The following EZH2 variants were observed in gnomAD, a reference collection of about 807,000 sequenced individuals.
EZH2 encodes the protein histone-lysine N-methyltransferase EZH2.
EZH2 carries 18 observed loss-of-function variants against 98.4 expected under a neutral mutation model. That is an observed-to-expected ratio of 0.18 (90% CI 0.13 to 0.27). The LOEUF is 0.27. Ranked by LOEUF, EZH2 falls within the 10% of genes least tolerant of loss-of-function variation. EZH2 has a pLI of 1.00. For missense variants in EZH2, 470 were observed against 935.1 expected (o/e 0.50, Z 6.49); for synonymous variants, 338 against 312.3 (o/e 1.08, Z -0.87).
chr7:148,846,910 T>C (rs1290286712), intron 2 of EZH2, among the ~76,000 whole-genome samples: 1 of 150,422 alleles, frequency 6.6e-6, no homozygotes, highest in African/African-American at 2.4e-5. Context: ...ACAATGACTT[T>C]AGAAACATAA....
intron 1 of EZH2, among the ~76,000 whole-genome samples, chr7:148,879,696 A>C (rs1820689581): frequency 1.3e-5 from 2 of 152,042 alleles, no homozygotes; most frequent in Admixed American, 1.3e-4. Flanking sequence ...TCTCAAAAAA[A>C]TAAATAATAA....
chr7:148,813,063 A>ACG (rs1803575499), intron 15 of EZH2, among the ~76,000 whole-genome samples: 1 of 149,232 alleles, frequency 6.7e-6, no homozygotes, highest in Non-Finnish European at 1.5e-5. Context: ...ACACACACAC[A>ACG]CACACACACA....
chr7:148,866,509 CATATATATGTGTAT>C (rs1818475888), intron 1 of EZH2, among the ~76,000 whole-genome samples: 1 of 96,230 alleles, frequency 1.0e-5, no homozygotes. Context: ...TACGTATATA[CATATATATGTGTAT>C]ATACATATAT....
rs1804648311 is a variant in EZH2, at chr7:148,816,671, A to G, written c.1505+13T>C. ...TATGTTGACTTCTCTAAGGAGCTTCATGACAGACTCACCGGTGTTTCCTCT... is the reference window on the plus strand; with the variant it reads ...TATGTTGACTTCTCTAAGGAGCTTCGTGACAGACTCACCGGTGTTTCCTCT... On this transcript the variant is annotated intron_variant, in intron 12 of 19. Transcript: ENST00000320356. 2 of 1,605,922 alleles carry G rather than the reference A, an allele frequency of 1.2e-6. No individual in the cohort carries two copies. Among genetic ancestry groups the G allele is most frequent in the Middle Eastern group, 1.7e-4 (1 of 5,978 alleles).
At chr7:148,876,099 G>C (rs1820127276) in intron 1 of EZH2, 1 of 152,212 alleles carries the variant, frequency 6.6e-6, no homozygotes, top group Admixed American at 6.6e-5. Flanking sequence ...AGGAGGTCAA[G>C]GTTGCAGTGA....
At chr7:148,814,891 G>A (rs375833751) in intron 14 of EZH2, 23 bp downstream of exon 14, 1 of 1,606,936 alleles carries the variant, frequency 6.2e-7, no homozygotes, top group Non-Finnish European at 8.5e-7. Flanking sequence ...TCATGCAATT[G>A]CATCAAAGCA....
At chr7:148,873,241 T>C (rs778818934) in intron 1 of EZH2, among the ~76,000 whole-genome samples, 23 of 151,766 alleles carry the variant, frequency 1.5e-4, no homozygotes, top group Non-Finnish European at 2.6e-4. Flanking sequence ...CCTGTAATCC[T>C]AGCACTTTGC....
At chr7:148,850,510 G>A (rs887586972) in intron 1 of EZH2, 58 of 831,810 alleles carry the variant, frequency 7.0e-5, no homozygotes, top group Non-Finnish European at 8.3e-5. Flanking sequence ...GAAAGTGTAA[G>A]ACTAAATAGG....
chr7:148,810,508 C>A (rs1168762852), intron 16 of EZH2, 94 bp from the exon 17 acceptor site: 5 of 745,856 alleles, frequency 6.7e-6, no homozygotes, highest in Non-Finnish European at 1.1e-5. Flanking sequence ...ACTGGACCTT[C>A]TGGAGAAAAC....
chr7:148,814,736 CGACT>C (rs895244328), intron 14 of EZH2, among the ~76,000 whole-genome samples, 174 bp downstream of exon 14: 1 of 152,136 alleles, frequency 6.6e-6, no homozygotes, highest in Non-Finnish European at 1.5e-5. Flanking sequence ...AACACCCAGG[CGACT>C]GACTGGCCAC....
At chr7:148,832,575 T>C (rs891301629) in intron 4 of EZH2, 59 bp downstream of exon 4, 7 of 926,576 alleles carry the variant, frequency 7.6e-6, no homozygotes, top group African/African-American at 3.3e-5. Flanking sequence ...AAATTATCTA[T>C]GCTTTTTTAC....
chr7:148,816,617 T>C (rs1804622778), intron 12 of EZH2, 67 bp downstream of exon 12: 1 of 1,211,460 alleles, frequency 8.3e-7, no homozygotes. Flanking sequence ...CAACAGCCCT[T>C]AGGAAGGGCC....
chr7:148,857,114 C>T (rs999122942), intron 1 of EZH2, among the ~76,000 whole-genome samples: 1 of 152,246 alleles, frequency 6.6e-6, no homozygotes, highest in Non-Finnish European at 1.5e-5. Flanking sequence ...CAGACCTCAA[C>T]CCATAACTTC....
chr7:148,840,911 T>G (rs1174364122), intron 3 of EZH2, among the ~76,000 whole-genome samples: 1 of 152,184 alleles, frequency 6.6e-6, no homozygotes, highest in African/African-American at 2.4e-5. Context: ...TGTTTTATTT[T>G]TAAATAGTTG....
chr7:148,813,310 A>C (rs1466313048), intron 15 of EZH2, among the ~76,000 whole-genome samples: 1 of 144,464 alleles, frequency 6.9e-6, no homozygotes, highest in Non-Finnish European at 1.5e-5. Flanking sequence ...CTGACTGAAG[A>C]AAGAACTTAT....
intron 1 of EZH2, among the ~76,000 whole-genome samples, chr7:148,871,572 A>ATTTTGTTTTTTTTTTTTTTTTTT: frequency 7.1e-6 from 1 of 140,790 alleles, no homozygotes; most frequent in African/African-American, 2.8e-5. Context: ...CAAATAGTGT[A>ATTTTGTTTTTTTTTTTTTTTTTT]TTTTCTTTTT....
In EZH2 at chr7:148,814,157, G is replaced by C; in HGVS notation, c.1673-20C>G. On this transcript the variant is annotated intron_variant, in intron 14 of 19. Coordinates refer to ENST00000320356, the MANE Select transcript of EZH2 (RefSeq NM_004456.5). ...TTTGACCTTCAGAGAGAGGTTTGGA[G>C]GTTCTTCACTCATCACCGTATGCAA... 1 of 1,609,466 alleles carries C rather than the reference G, an allele frequency of 6.2e-7. No individual in the cohort carries two copies. The highest frequency in any genetic ancestry group is 8.5e-7 in the Non-Finnish European group (1 of 1,177,612).
Position 148,807,626 on chromosome 7 carries a change from G to T in EZH2, c.*20C>A, listed in dbSNP as rs763362563. ...AGCTAAGGCAGCTGTTTCAGAGGAG[G>T]GGGGAGGAGGTAGCAGATGTCAAGG... On this transcript the variant is annotated 3_prime_UTR_variant, in exon 20 of 20. Transcript: ENST00000320356. 2.5e-5 allele frequency: 36 copies of T among 1,444,124 alleles called. 1 individual carries two copies. The South Asian group carries it at 4.2e-4, about 17-fold the overall frequency. The allele number at this position is 1,444,124 out of a possible 1,614,324, so 89.5% of individuals were successfully genotyped here. A position where few individuals can be genotyped will look rare whatever the true frequency, so the allele number is the denominator to read the frequency against.
intron 16 of EZH2, 150 bp from the exon 17 acceptor site, chr7:148,810,564 C>G (rs1233043602): frequency 1.9e-6 from 1 of 537,444 alleles, no homozygotes; most frequent in African/African-American, 1.9e-5. Flanking sequence ...CCCATTCGGT[C>G]TGCGCAGTAA....
Sources: gnomAD v4.1 joint callset for allele counts (sites outside exome capture counted in the v4.1 genomes callset) on GRCh38, gnomAD v4.1.1 for gene constraint, MANE v1.5 for transcripts, NCBI Gene and HGNC (gene_info 2026-07-23, HGNC 2026-07-21) for gene names.